NETO2: variants seen among roughly 807,000 people sequenced by gnomAD.
NETO2 encodes neuropilin and tolloid-like protein 2.
In NETO2, 28 loss-of-function variants were observed where a neutral mutation model predicts 62.5. The observed-to-expected ratio is 0.45, with a 90% CI of 0.33 to 0.61. The LOEUF (loss-of-function observed/expected upper bound fraction) is 0.61, where lower values mean the gene tolerates loss of function less well. NETO2 is among the 20% of genes least tolerant of loss of function. NETO2 has a pLI of 0.02. For synonymous variants in NETO2, 214 were observed against 219.1 expected, an observed-to-expected ratio of 0.98 and a Z score of 0.21; for missense variants, 548 against 643.2, an observed-to-expected ratio of 0.85 and a Z score of 1.60.
At chr16:47,114,686 G>A (rs1162582750) in intron 6 of NETO2, among the ~76,000 whole-genome samples, 1 of 151,668 alleles carries the variant, frequency 6.6e-6, no homozygotes, top group Non-Finnish European at 1.5e-5. Flanking sequence ...TCCCGACCTC[G>A]AGATCCGCCC....
chr16:47,113,102 A>C (rs758102087), intron 6 of NETO2, among the ~76,000 whole-genome samples: 11 of 152,226 alleles, frequency 7.2e-5, no homozygotes, highest in Non-Finnish European at 1.2e-4. Flanking sequence ...ATTTGGGTAT[A>C]CATCTAGAAG....
intron 7 of NETO2, among the ~76,000 whole-genome samples, chr16:47,088,524 G>A (rs948256454): frequency 7.2e-5 from 11 of 152,140 alleles, no homozygotes; most frequent in African/African-American, 1.9e-4. Context: ...AGGGAGAATC[G>A]AATATTGCTC....
chr16:47,132,676 T>C (rs1323853528), intron 1 of NETO2, among the ~76,000 whole-genome samples: 1 of 152,232 alleles, frequency 6.6e-6, no homozygotes, highest in Admixed American at 6.5e-5. Flanking sequence ...AACATTTTCA[T>C]GGATGCTGCA....
chr16:47,109,873 T>C (rs1963756252), intron 6 of NETO2, among the ~76,000 whole-genome samples, 162 bp from the exon 7 acceptor site: 1 of 152,246 alleles, frequency 6.6e-6, no homozygotes. Flanking sequence ...CTAAGATTAA[T>C]GATCTGTTTC....
intron 1 of NETO2, among the ~76,000 whole-genome samples, chr16:47,142,595 A>G (rs934807240): frequency 7.2e-5 from 11 of 152,210 alleles, no homozygotes; most frequent in African/African-American, 2.4e-4. Context: ...ACATGTTACG[A>G]CATTACAAAC....
intron 6 of NETO2, 26 bp from the exon 7 acceptor site, chr16:47,109,737 C>T (rs1963752585): frequency 2.7e-6 from 4 of 1,480,794 alleles, no homozygotes; most frequent in South Asian, 1.2e-5. Flanking sequence ...AAAAACACTG[C>T]TTTTAAAAAG....
In NETO2 at chr16:47,138,272, C is replaced by T. The variant is rs139133273; in HGVS notation, c.34+5307G>A. ...AAAATTAGCCGGGCATGGTGGCACA[C>T]GCCTGTAGTCCCAGCTACTGGGGAG... On this transcript the variant is annotated intron_variant, in intron 1 of 8. Transcript: ENST00000562435. 5.0e-3 allele frequency among the ~76,000 whole-genome samples: 756 copies of T among 152,242 alleles called. 12 individuals are homozygous for T. In the East Asian group the frequency reaches 0.07, roughly 14 times the overall value.
In NETO2 at chr16:47,131,996, C is replaced by T; in HGVS notation, c.64G>A (p.Gly22Arg). ...VLLITVLVVE[G>R]IAVAQKTQDG... ...TGGGTTTTTTGGGCCACGGCAATCCCTTCCACTACCAGTACTGTTATTAAC... is the reference window on the plus strand; with the variant it reads ...TGGGTTTTTTGGGCCACGGCAATCCTTTCCACTACCAGTACTGTTATTAAC... Residue 22 changes from glycine (G) to arginine (R), a missense_variant, in exon 2 of 9, where the codon GGG becomes AGG. Physicochemically the swap from Gly to Arg is moderately radical, Grantham distance 125. Transcript: ENST00000562435. The T allele has an allele frequency of 2.5e-6, 4 of 1,612,688 alleles. No homozygotes were observed. In the South Asian group the frequency reaches 3.3e-5, roughly 13 times the overall value.
intron 7 of NETO2, among the ~76,000 whole-genome samples, chr16:47,094,485 G>C (rs924169028): frequency 2.0e-5 from 3 of 151,788 alleles, no homozygotes; most frequent in African/African-American, 7.3e-5. Flanking sequence ...GAGTGCAGTG[G>C]TGCAATGTTG....
intron 7 of NETO2, among the ~76,000 whole-genome samples, chr16:47,092,505 T>G (rs2143825036): frequency 6.6e-6 from 1 of 152,232 alleles, no homozygotes; most frequent in East Asian, 1.9e-4. Context: ...CACACGTCGG[T>G]TTAGACGGGC....
chr16:47,134,688 C>T (rs1964333414), intron 1 of NETO2, among the ~76,000 whole-genome samples: 1 of 152,128 alleles, frequency 6.6e-6, no homozygotes, highest in Non-Finnish European at 1.5e-5. Context: ...AATAACCACA[C>T]AAAGCCAGCA....
intron 7 of NETO2, among the ~76,000 whole-genome samples, chr16:47,105,591 T>C (rs919765844): frequency 2.0e-5 from 3 of 151,932 alleles, no homozygotes; most frequent in African/African-American, 7.3e-5. Context: ...GCTAATCACA[T>C]ACACAATAAG....
chr16:47,132,841 TAA>T (rs1262115119), intron 1 of NETO2, among the ~76,000 whole-genome samples: 1 of 152,142 alleles, frequency 6.6e-6, no homozygotes, highest in Admixed American at 6.5e-5. Flanking sequence ...GCAAAATGGT[TAA>T]GAGTATGGAC....
At position 47,143,485 on chromosome 16, in the gene NETO2, G is replaced by T. The variant is rs540559113; in HGVS notation, c.34+94C>A. 2.2e-4 allele frequency: 263 copies of T among 1,196,240 alleles called. No individual in the cohort carries two copies. In the African/African-American group the frequency reaches 3.7e-3, roughly 17 times the overall value. 74.1% of individuals were successfully genotyped at this position (1,196,240 alleles called of 1,614,324 possible). ...CAGACAAAGAGGCGCGTCGGGTCCC[G>T]GGCGCGGGTAAGGGACGCAGAGGCG... On this transcript the variant is annotated intron_variant, in intron 1 of 8. Coordinates refer to ENST00000562435, the MANE Select transcript of NETO2 (RefSeq NM_018092.5).
intron 6 of NETO2, 63 bp from the exon 7 acceptor site, chr16:47,109,774 C>G (rs1963753801): frequency 2.5e-6 from 3 of 1,209,216 alleles, no homozygotes; most frequent in Admixed American, 3.9e-5. Context: ...TTTTCTATTT[C>G]TATTTTCCAC....
At position 47,128,458 on chromosome 16, in the gene NETO2, A is replaced by G. The variant is rs1964200183; in HGVS notation, c.348T>C (p.Pro116=). Residue 116 remains proline (P), a synonymous_variant, in exon 4 of 9, where the codon CCT becomes CCC. Coordinates refer to ENST00000562435, the MANE Select transcript of NETO2 (RefSeq NM_018092.5). ...TCACGCCACAGTAACGATCTATAAG[A>G]GGAGAGAAACCAAATGGCCCATCTC... ...EVRDGPFGFS[P]LIDRYCGVKS... is the part of the protein sequence containing the mutation. 1 of 1,614,020 alleles carries G rather than the reference A, an allele frequency of 6.2e-7. No individual in the cohort carries two copies. The highest frequency in any genetic ancestry group is 1.3e-5 in the African/African-American group (1 of 74,940).
chr16:47,083,679 G>A lies in NETO2; in HGVS notation c.1120C>T (p.Arg374Ter). The change falls in exon 9 of 9, where the codon CGA (arginine) becomes TGA (stop). Residue 374 changes from arginine to a stop codon, truncating the protein, a stop_gained. Transcript: ENST00000562435. LOFTEE classifies it high-confidence loss of function. ...ISILVQVKQP[R>*]KKVMACKTAF... Reference sequence around the variant, plus strand: ...GTTTTGCAAGCCATGACCTTTTTTCGAGGCTGTTTCACTTGTACTAAAATA... The same window carrying A: ...GTTTTGCAAGCCATGACCTTTTTTCAAGGCTGTTTCACTTGTACTAAAATA... 1 of 1,614,100 alleles carries A rather than the reference G, an allele frequency of 6.2e-7. No individual in the cohort carries two copies. The highest frequency in any genetic ancestry group is 8.5e-7 in the Non-Finnish European group (1 of 1,180,024).
At position 47,111,436 on chromosome 16, in the gene NETO2, C is replaced by T. The variant is rs1413902870; in HGVS notation, c.655-1725G>A. On this transcript the variant is annotated intron_variant, in intron 6 of 8. Transcript: ENST00000562435. ...TCACAGCACTTTTCTACTGTAAATA[C>T]AGCTAAATATTGAATTGTTTAGTTC... 3.9e-5 allele frequency among the ~76,000 whole-genome samples: 6 copies of T among 152,140 alleles called. 1 individual carries two copies. Among genetic ancestry groups the T allele is most frequent in the Admixed American group, 3.9e-4 (6 of 15,276 alleles).
At chr16:47,115,744 T>C (rs1384922683) in intron 6 of NETO2, among the ~76,000 whole-genome samples, 1 of 143,214 alleles carries the variant, frequency 7.0e-6, no homozygotes, top group African/African-American at 2.6e-5. Context: ...TGTATATATA[T>C]ATATTTTGTA....
Sources: allele counts gnomAD v4.1 joint callset (sites outside exome capture counted in the v4.1 genomes callset), GRCh38; gene constraint gnomAD v4.1.1; transcripts MANE v1.5; gene names NCBI Gene and HGNC (gene_info 2026-07-23, HGNC 2026-07-21).